The following DEK variants were observed in gnomAD, a reference collection of about 807,000 sequenced individuals.
DEK encodes DEK proto-oncogene, also known as protein DEK.
A neutral mutation model predicts 46.8 loss-of-function variants in DEK; 28 were observed. The ratio of observed to expected loss-of-function variants is 0.60; its 90% confidence interval spans 0.44 to 0.82. The LOEUF is 0.82. Among genes scored for constraint, DEK ranks in the 40% least tolerant of loss-of-function variants. DEK has a pLI of 0.00. For missense variants in DEK, 416 were observed against 430.6 expected (o/e 0.97, Z 0.30); for synonymous variants, 160 against 144.5 (o/e 1.11, Z -0.77).
intron 2 of DEK, among the ~76,000 whole-genome samples, chr6:18,259,430 A>AATAAAT (rs1554162686): frequency 2.1e-5 from 2 of 96,742 alleles, no homozygotes; most frequent in Non-Finnish European, 4.7e-5. Context: ...AAAAAAAAAA[A>AATAAAT]AAATCTAGAA....
At chr6:18,237,270 G>A (rs1013755978) in intron 8 of DEK, 111 bp downstream of exon 8, 51 of 1,283,234 alleles carry the variant, frequency 4.0e-5, no homozygotes, top group Non-Finnish European at 4.6e-5. Flanking sequence ...ACTTCTCCCC[G>A]CAATGTTCTC....
chr6:18,227,412 T>C (rs1790188965), intron 9 of DEK, among the ~76,000 whole-genome samples: 1 of 152,198 alleles, frequency 6.6e-6, no homozygotes, highest in Non-Finnish European at 1.5e-5. Flanking sequence ...CTTAATTCTT[T>C]ACCTTGACTA....
chr6:18,231,709 G>A (rs1317308400), intron 9 of DEK, among the ~76,000 whole-genome samples: 2 of 152,186 alleles, frequency 1.3e-5, no homozygotes, highest in Non-Finnish European at 2.9e-5. Context: ...TTCTGAAATT[G>A]AGGCAATAAT....
intron 6 of DEK, among the ~76,000 whole-genome samples, chr6:18,253,584 T>C (rs901995785): frequency 1.3e-5 from 2 of 152,216 alleles, no homozygotes; most frequent in African/African-American, 4.8e-5. Flanking sequence ...AGACCTACAT[T>C]AAACATTACA....
chr6:18,250,358 A>G (rs1791314003), intron 6 of DEK, among the ~76,000 whole-genome samples: 1 of 151,946 alleles, frequency 6.6e-6, no homozygotes, highest in Non-Finnish European at 1.5e-5. Flanking sequence ...AGCCCCAGCT[A>G]CTCGGGAGGC....
intron 10 of DEK, 135 bp downstream of exon 10, chr6:18,226,039 T>C: frequency 1.1e-6 from 1 of 875,902 alleles, no homozygotes. Flanking sequence ...AGAAATAAAT[T>C]TCCCTATTAT....
rs748985088 is a variant in DEK at position 18,264,494 on chromosome 6, G to T, written c.-119C>A. 1 of 253,528 alleles carries T rather than the reference G, an allele frequency of 3.9e-6. No individual in the cohort carries two copies. The highest frequency in any genetic ancestry group is 4.2e-5 in the South Asian group (1 of 23,670). 15.7% of individuals were successfully genotyped at this position (253,528 alleles called of 1,614,324 possible). A position where few individuals can be genotyped will look rare whatever the true frequency, so the allele number is the denominator to read the frequency against. ...CGCGCGGGCCGCTGTCTGGCGTGAC[G>T]CTCGCGCCGCGCGCTCGGCTCCCCA... is the stretch of plus-strand genomic sequence containing the variant. On this transcript the variant is annotated 5_prime_UTR_variant, in exon 1 of 11. Transcript: ENST00000652689.
At chr6:18,243,359 T>C (rs888098493) in intron 7 of DEK, among the ~76,000 whole-genome samples, 38 of 151,788 alleles carry the variant, frequency 2.5e-4, no homozygotes, top group Non-Finnish European at 1.6e-4. Flanking sequence ...AATGCTCAGG[T>C]ATAGAATAAG....
At position 18,243,789 on chromosome 6, in the gene DEK, GGT is replaced by G. The variant is rs543969416; in HGVS notation, c.762+5860_762+5861del. 6.6e-5 allele frequency among the ~76,000 whole-genome samples: 10 copies of G among 152,260 alleles called. No individual in the cohort carries two copies. In the South Asian group the frequency reaches 1.2e-3, roughly 19 times the overall value. On this transcript the variant is annotated intron_variant, in intron 7 of 10. Coordinates refer to ENST00000652689, the MANE Select transcript of DEK (RefSeq NM_003472.4). Reference sequence around the variant, plus strand: ...TCACTGACTTGAGCAATCAAAAAGTGGTTACCTCAGAAATCAAAAGCCAGTGG... The same window carrying G: ...TCACTGACTTGAGCAATCAAAAAGTGTACCTCAGAAATCAAAAGCCAGTGG...
chr6:18,256,905 C>T (rs565240835), intron 4 of DEK, among the ~76,000 whole-genome samples: 1 of 152,304 alleles, frequency 6.6e-6, no homozygotes, highest in African/African-American at 2.4e-5. Context: ...TAATACCGTT[C>T]ACTAGTTATG....
intron 6 of DEK, among the ~76,000 whole-genome samples, chr6:18,253,535 A>C (rs1326377604): frequency 6.6e-6 from 1 of 152,206 alleles, no homozygotes; most frequent in Admixed American, 6.5e-5. Context: ...CATGTTACAA[A>C]ACTATACATA....
At chr6:18,262,553 C>A (rs1302977117) in intron 2 of DEK, among the ~76,000 whole-genome samples, 1 of 152,154 alleles carries the variant, frequency 6.6e-6, no homozygotes, top group East Asian at 1.9e-4. Flanking sequence ...ACTACCAACT[C>A]TTCCCCAAGC....
intron 6 of DEK, among the ~76,000 whole-genome samples, chr6:18,252,958 A>C (rs1005058671): frequency 6.6e-6 from 1 of 152,214 alleles, no homozygotes; most frequent in Non-Finnish European, 1.5e-5. Context: ...TCTCAAGTAC[A>C]TGTCTTTCTA....
At chr6:18,234,296 A>ATATG (rs1023327231) in intron 9 of DEK, among the ~76,000 whole-genome samples, 5 of 151,926 alleles carry the variant, frequency 3.3e-5, no homozygotes, top group African/African-American at 1.2e-4. Flanking sequence ...ATATATATAT[A>ATATG]TATATGTAAC....
intron 6 of DEK, among the ~76,000 whole-genome samples, chr6:18,254,160 G>A (rs567876410): frequency 1.9e-4 from 29 of 152,154 alleles, no homozygotes; most frequent in African/African-American, 6.0e-4. Context: ...GCAAAACCCC[G>A]TCTCTATTAA....
chr6:18,234,622 G>C (rs1790570195), intron 9 of DEK, among the ~76,000 whole-genome samples: 1 of 152,092 alleles, frequency 6.6e-6, no homozygotes, highest in Non-Finnish European at 1.5e-5. Context: ...CAGCCAAAAA[G>C]CCATTATTAT....
chr6:18,255,693 A>G (rs964350795), intron 6 of DEK, 38 bp downstream of exon 6: 22 of 1,577,270 alleles, frequency 1.4e-5, no homozygotes, highest in African/African-American at 9.6e-5. Flanking sequence ...GAGGCTATGA[A>G]TAACTGATTT....
chr6:18,259,557 G>T (rs1041811290), intron 2 of DEK, among the ~76,000 whole-genome samples: 2 of 151,988 alleles, frequency 1.3e-5, no homozygotes, highest in African/African-American at 4.8e-5. Flanking sequence ...TCGAGGTTCT[G>T]CCATTTATTT....
intron 9 of DEK, among the ~76,000 whole-genome samples, chr6:18,228,370 TTACTC>T (rs1790229012): frequency 6.6e-6 from 1 of 151,942 alleles, no homozygotes; most frequent in Non-Finnish European, 1.5e-5. Flanking sequence ...ATCATTTAAA[TTACTC>T]TAATTGTTTG....
Sources: allele counts gnomAD v4.1 joint callset (sites outside exome capture counted in the v4.1 genomes callset), GRCh38; gene constraint gnomAD v4.1.1; transcripts MANE v1.5; gene names NCBI Gene and HGNC (gene_info 2026-07-23, HGNC 2026-07-21).